Variants in OPN5 observed in about 807,000 individuals in gnomAD.
OPN5 encodes opsin-5.
Under a neutral mutation model 41.7 loss-of-function variants are expected in OPN5, and 18 were observed. The ratio of observed to expected loss-of-function variants is 0.43; its 90% CI spans 0.30 to 0.64. The LOEUF (loss-of-function observed/expected upper bound fraction) is 0.64, where lower values mean the gene tolerates loss of function less well. OPN5 is among the 30% of genes least tolerant of loss of function. OPN5 has a pLI of 0.13. For missense variants in OPN5, 318 were observed against 434.5 expected (o/e 0.73, Z 2.38); for synonymous variants, 178 against 164.3 (o/e 1.08, Z -0.64).
chr6:47,794,684 A>G (rs1367200688), intron 3 of OPN5: 1 of 152,832 alleles, frequency 6.5e-6, no homozygotes, highest in Non-Finnish European at 1.5e-5. Context: ...GAAGATTCCA[A>G]ACCTGCTCCA....
chr6:47,790,603 A>G (rs1295671615), intron 2 of OPN5, among the ~76,000 whole-genome samples: 1 of 152,256 alleles, frequency 6.6e-6, no homozygotes, highest in Non-Finnish European at 1.5e-5. Context: ...AGGTAATAGT[A>G]AAAGACTAAA....
At chr6:47,803,063 T>C (rs959839424) in intron 4 of OPN5, among the ~76,000 whole-genome samples, 13 of 152,088 alleles carry the variant, frequency 8.5e-5, no homozygotes, top group Non-Finnish European at 2.9e-5. Context: ...TCTTTACAAG[T>C]TTATGGAGGA....
At chr6:47,820,458 G>A (rs1373457134) in intron 6 of OPN5, among the ~76,000 whole-genome samples, 2 of 152,056 alleles carry the variant, frequency 1.3e-5, no homozygotes, top group Non-Finnish European at 2.9e-5. Flanking sequence ...CTTTCATCTC[G>A]CTTGATTTAA....
intron 2 of OPN5, among the ~76,000 whole-genome samples, chr6:47,787,743 C>T (rs764626361): frequency 2.6e-5 from 4 of 152,126 alleles, no homozygotes; most frequent in Non-Finnish European, 5.9e-5. Flanking sequence ...CTCTACAAAA[C>T]AAATTTATCC....
chr6:47,816,888 G>T lies in OPN5; in HGVS notation c.1056+5157G>T, dbSNP rs1227089008. Among the ~76,000 whole-genome samples the T allele has an allele frequency of 2.6e-5, 4 of 152,110 alleles. No homozygotes were observed. The East Asian group carries it at 5.8e-4, about 22-fold the overall frequency. ...ATCATCACTATTAGAGGAAATAGGT[G>T]ATTATTCCAAGCGGGTTTTGTAGTG... is the stretch of plus-strand genomic sequence containing the variant. On this transcript the variant is annotated intron_variant, in intron 6 of 6. Coordinates refer to ENST00000371211, the Ensembl canonical transcript of OPN5.
rs138699473 is a variant in OPN5, at chr6:47,795,524, G to T, written c.717G>T (p.Arg239=). 2.3e-3 allele frequency: 3,637 copies of T among 1,613,982 alleles called. 14 individuals carry two copies. Among genetic ancestry groups the T allele is most frequent in the Middle Eastern group, 7.9e-3 (48 of 6,060 alleles). Residue 239 remains arginine (R), a synonymous_variant, in exon 4 of 7, where the codon CGG becomes CGT. Transcript: ENST00000371211. ...AAGAAGTAGCTCATTTCGACAGTCG[G>T]ATCCATAGCAGCCATGTGCTGGAAA...
intron 4 of OPN5, among the ~76,000 whole-genome samples, chr6:47,803,372 T>C (rs1322480531): frequency 6.6e-6 from 1 of 152,168 alleles, no homozygotes; most frequent in Admixed American, 6.5e-5. Flanking sequence ...TTTAATATTA[T>C]TTTCTTACTG....
chr6:47,820,028 A>C (rs542223756), intron 6 of OPN5, among the ~76,000 whole-genome samples: 1 of 152,160 alleles, frequency 6.6e-6, no homozygotes, highest in Non-Finnish European at 1.5e-5. Context: ...GCCTCAATAC[A>C]CTCCAGTTGC....
intron 6 of OPN5, among the ~76,000 whole-genome samples, chr6:47,817,951 C>G (rs1762480867): frequency 1.3e-5 from 2 of 152,242 alleles, no homozygotes; most frequent in South Asian, 4.2e-4. Context: ...AAGGCCCATT[C>G]ACCTCTTCAA....
At chr6:47,783,014 T>A (rs1006833190) in intron 1 of OPN5, among the ~76,000 whole-genome samples, 4 of 151,948 alleles carry the variant, frequency 2.6e-5, no homozygotes, top group Non-Finnish European at 5.9e-5. Flanking sequence ...CTAAATAAAA[T>A]ATATTATTAA....
At chr6:47,798,302 T>A (rs1347082567) in intron 4 of OPN5, among the ~76,000 whole-genome samples, 2 of 151,930 alleles carry the variant, frequency 1.3e-5, no homozygotes. Flanking sequence ...CTAGTCAATG[T>A]TTAGACCAGT....
chr6:47,803,299 T>A (rs1460271643), intron 4 of OPN5, among the ~76,000 whole-genome samples: 2 of 152,198 alleles, frequency 1.3e-5, no homozygotes, highest in Admixed American at 1.3e-4. Flanking sequence ...ACTGGTAGAA[T>A]CACTCAATGA....
At chr6:47,814,887 AGG>A (rs1441668912) in intron 6 of OPN5, among the ~76,000 whole-genome samples, 2 of 152,156 alleles carry the variant, frequency 1.3e-5, no homozygotes, top group Non-Finnish European at 2.9e-5. Flanking sequence ...TGATGCATAA[AGG>A]ACACTTGGAA....
chr6:47,792,942 C>T lies in OPN5; in HGVS notation c.421+970C>T, dbSNP rs115177036. Reference sequence around the variant, plus strand: ...AATCCATGCTTGGGTGGGTGGGAGGCGGGGGCTTGTGAGCCATTCTCTTCA... The same window carrying T: ...AATCCATGCTTGGGTGGGTGGGAGGTGGGGGCTTGTGAGCCATTCTCTTCA... On this transcript the variant is annotated intron_variant, in intron 3 of 6. Coordinates refer to ENST00000371211, the Ensembl canonical transcript of OPN5. Among the ~76,000 whole-genome samples the T allele has an allele frequency of 5.3e-3, 728 of 138,290 alleles. 12 individuals are homozygous for T. The highest frequency in any genetic ancestry group is 0.033 in the Admixed American group (453 of 13,936). The allele number at this position is 138,290 out of a possible 152,430, so 90.7% of individuals were successfully genotyped here. A position where few individuals can be genotyped will look rare whatever the true frequency, so the allele number is the denominator to read the frequency against.
At chr6:47,800,496 G>A (rs953270787) in intron 4 of OPN5, among the ~76,000 whole-genome samples, 4 of 152,184 alleles carry the variant, frequency 2.6e-5, no homozygotes, top group Non-Finnish European at 5.9e-5. Context: ...AGGCCAATCT[G>A]AGGTTCTACA....
chr6:47,782,437 ATTAT>A (rs1296661349), intron 1 of OPN5, among the ~76,000 whole-genome samples: 1 of 152,198 alleles, frequency 6.6e-6, no homozygotes, highest in Admixed American at 6.5e-5. Context: ...TTACAGCAAA[ATTAT>A]TTATCCATTT....
At chr6:47,807,513 C>T (rs551777659) in intron 4 of OPN5, among the ~76,000 whole-genome samples, 5 of 152,044 alleles carry the variant, frequency 3.3e-5, no homozygotes, top group Non-Finnish European at 5.9e-5. Context: ...AAAGAGGCTC[C>T]GAAGGTGATT....
downstream of OPN5, chr6:47,825,892 T>G (rs906633374): frequency 3.9e-5 from 6 of 152,116 alleles, no homozygotes; most frequent in Non-Finnish European, 8.8e-5. Flanking sequence ...TGAGAAGAGC[T>G]TCATTGCCAA....
chr6:47,813,517 A>G lies in OPN5; in HGVS notation c.1056+1786A>G, dbSNP rs185823369. 8.2e-4 allele frequency among the ~76,000 whole-genome samples: 125 copies of G among 152,268 alleles called. 1 individual carries two copies. Among genetic ancestry groups the G allele is most frequent in the Non-Finnish European group, 1.9e-4 (13 of 68,004 alleles). ...AGAGTGGTAGTCTGGCAGGAGCCAA[A>G]TCAGACTCCAAAGGCTTTGTTGTTT... is the stretch of plus-strand genomic sequence containing the variant. On this transcript the variant is annotated intron_variant, in intron 6 of 6. Coordinates refer to ENST00000371211, the Ensembl canonical transcript of OPN5.
Sources: allele counts gnomAD v4.1 joint callset (sites outside exome capture counted in the v4.1 genomes callset), GRCh38; gene constraint gnomAD v4.1.1; transcripts MANE v1.5; gene names NCBI Gene and HGNC (gene_info 2026-07-23, HGNC 2026-07-21).